RYR3: variants seen among roughly 807,000 people sequenced by gnomAD.
RYR3 encodes brain ryanodine receptor-calcium release channel.
In RYR3, 207 loss-of-function variants were observed where a neutral mutation model predicts 584.3. The observed-to-expected ratio is 0.35, with a 90% CI of 0.32 to 0.40. RYR3 has a LOEUF of 0.40. Ranked by LOEUF, RYR3 falls within the 10% of genes least tolerant of loss-of-function variation. The pLI is 1.00. For missense variants in RYR3, 5,616 were observed against 6,089.2 expected, an observed-to-expected ratio of 0.92 and a Z score of 2.59; for synonymous variants, 2,416 against 2,248.5, an observed-to-expected ratio of 1.07 and a Z score of -2.11.
intron 94 of RYR3, chr15:33,852,536 T>C (rs1056408172): frequency 6.4e-6 from 1 of 155,264 alleles, no homozygotes; most frequent in African/African-American, 2.4e-5. Context: ...GCTTAAAAAA[T>C]CCAATGTAAA....
intron 16 of RYR3, among the ~76,000 whole-genome samples, chr15:33,600,810 C>A (rs189766446): frequency 7.2e-5 from 11 of 152,250 alleles, no homozygotes; most frequent in Non-Finnish European, 1.2e-4. Flanking sequence ...CCCAAGCTTG[C>A]TACGTGCAAG....
intron 43 of RYR3, among the ~76,000 whole-genome samples, chr15:33,708,059 TTC>T (rs1783462893): frequency 6.6e-6 from 1 of 152,192 alleles, no homozygotes; most frequent in Admixed American, 6.5e-5. Context: ...CTCTCTCTGC[TTC>T]TCTCTGCGTA....
At chr15:33,832,734 A>G (rs2077768577) in intron 86 of RYR3, among the ~76,000 whole-genome samples, 1 of 151,318 alleles carries the variant, frequency 6.6e-6, no homozygotes, top group Admixed American at 6.6e-5. Flanking sequence ...GGCCAGGTGC[A>G]GTGGCTCACT....
intron 3 of RYR3, among the ~76,000 whole-genome samples, chr15:33,517,696 C>T (rs1415527668): frequency 6.6e-6 from 1 of 152,130 alleles, no homozygotes; most frequent in Non-Finnish European, 1.5e-5. Flanking sequence ...TACCCCAGGA[C>T]ATGACATTGT....
At chr15:33,722,464 G>C in intron 43 of RYR3, 1 of 509,942 alleles carries the variant, frequency 2.0e-6, no homozygotes, top group South Asian at 2.9e-5. Context: ...CTCCATCAGT[G>C]TCAACTCCTA....
rs370439483 is a variant in RYR3, at chr15:33,662,522, G to A, written c.4992G>A (p.Gly1664=). ...GCCTGAGAACATGTCTCAAGCCCGG[G>A]TTCAGGTTCTCCACCCCTTGCTTTG... is the stretch of plus-strand genomic sequence containing the variant. ...GVGLRTCLKP[G]FRFSTPCFVV... The change falls in exon 35 of 104, where the codon GGG becomes GGA. Residue 1664 remains glycine, a synonymous_variant. Transcript: ENST00000634891. 124 of 1,613,896 alleles carry A rather than the reference G, an allele frequency of 7.7e-5. No individual in the cohort carries two copies. Among genetic ancestry groups the A allele is most frequent in the Admixed American group, 1.3e-4 (8 of 59,996 alleles).
At chr15:33,399,930 C>A (rs1429224019) in intron 1 of RYR3, among the ~76,000 whole-genome samples, 2 of 152,102 alleles carry the variant, frequency 1.3e-5, no homozygotes, top group Non-Finnish European at 2.9e-5. Flanking sequence ...GCACATACCA[C>A]AACAGAGCAC....
chr15:33,592,540 C>G (rs12594426), intron 16 of RYR3, among the ~76,000 whole-genome samples: 1 of 152,110 alleles, frequency 6.6e-6, no homozygotes, highest in Admixed American at 6.5e-5. Context: ...GGGCCACCCA[C>G]TTCCGATTGG....
At chr15:33,477,911 A>G (rs187267871) in intron 2 of RYR3, among the ~76,000 whole-genome samples, 1,528 of 116,656 alleles carry the variant, frequency 0.013, 58 homozygotes, top group Non-Finnish European at 0.019. Context: ...AAAAAAGACT[A>G]GGGGCTATTA....
At chr15:33,575,935 T>A (rs1489551248) in intron 12 of RYR3, among the ~76,000 whole-genome samples, 1 of 152,026 alleles carries the variant, frequency 6.6e-6, no homozygotes, top group Non-Finnish European at 1.5e-5. Flanking sequence ...GATATTAGCA[T>A]TGACCCCACA....
Position 33,785,837 on chromosome 15 carries a change from G to A in RYR3, c.9444G>A (p.Arg3148=). The change falls in exon 66 of 104, where the codon CGG becomes CGA. Residue 3148 remains arginine, a synonymous_variant. Transcript: ENST00000634891. ...LCNYLSYWWE[R]GPENLPPSTG... The stretch of plus-strand genomic sequence containing the variant: ...ACTACTTGTCCTACTGGTGGGAGCG[G>A]GGTCCTGAGAACCTGCCCCCCAGCA... 1 of 1,613,848 alleles carries A rather than the reference G, an allele frequency of 6.2e-7. No individual in the cohort carries two copies. Among genetic ancestry groups the A allele is most frequent in the South Asian group, 1.1e-5 (1 of 91,066 alleles).
rs551287489 is a variant in RYR3 at position 33,746,878 on chromosome 15, G to A, written c.7989+721G>A. On this transcript the variant is annotated intron_variant, in intron 53 of 103. Coordinates refer to ENST00000634891, the MANE Select transcript of RYR3 (RefSeq NM_001036.6). ...GTCTAGAGTGTAGTGGTGTGATCTC[G>A]GCTCACTGCAACCTCCACCTTCCGG... Among the ~76,000 whole-genome samples, 18 of 141,910 alleles carry A rather than the reference G, an allele frequency of 1.3e-4. No homozygotes were observed. In the South Asian group the frequency reaches 1.4e-3, roughly 11 times the overall value. 93.1% of individuals were successfully genotyped at this position (141,910 alleles called of 152,430 possible). A position where few individuals can be genotyped will look rare whatever the true frequency, so the allele number is the denominator to read the frequency against.
intron 27 of RYR3, among the ~76,000 whole-genome samples, chr15:33,640,837 T>A (rs948759152): frequency 7.2e-5 from 11 of 152,220 alleles, no homozygotes; most frequent in African/African-American, 2.4e-4. Context: ...TTATATCTAT[T>A]AGGATGCATG....
At chr15:33,511,813 C>G (rs1019139941) in intron 3 of RYR3, among the ~76,000 whole-genome samples, 3 of 152,226 alleles carry the variant, frequency 2.0e-5, no homozygotes, top group Non-Finnish European at 4.4e-5. Context: ...GAGTCTCGCT[C>G]TGTCGCCCAG....
chr15:33,848,456 T>C (rs557983798), intron 94 of RYR3, 35 bp downstream of exon 94: 5 of 1,591,868 alleles, frequency 3.1e-6, no homozygotes, highest in African/African-American at 2.7e-5. Context: ...AAAAAGGAGA[T>C]GGAGTCTCTA....
intron 3 of RYR3, among the ~76,000 whole-genome samples, chr15:33,514,200 C>T (rs1478178513): frequency 1.3e-5 from 2 of 152,146 alleles, no homozygotes; most frequent in Non-Finnish European, 2.9e-5. Context: ...GCATCAGTTG[C>T]CCCTCCTTTT....
intron 27 of RYR3, among the ~76,000 whole-genome samples, chr15:33,639,894 T>A (rs747713811): frequency 2.1e-4 from 32 of 150,064 alleles, no homozygotes; most frequent in Non-Finnish European, 4.4e-4. Context: ...CTCAGAAGCC[T>A]CCAAGGCAAA....
chr15:33,401,665 A>C (rs1426066166), intron 1 of RYR3, among the ~76,000 whole-genome samples: 1 of 152,234 alleles, frequency 6.6e-6, no homozygotes, highest in East Asian at 1.9e-4. Flanking sequence ...TGTCACCTTT[A>C]AGACGTGGAC....
At chr15:33,379,838 C>T (rs746099275) in intron 1 of RYR3, among the ~76,000 whole-genome samples, 11 of 151,984 alleles carry the variant, frequency 7.2e-5, no homozygotes, top group South Asian at 4.2e-4. Context: ...CCAGGGAAGC[C>T]GAAAGTGCAG....
Sources: gnomAD v4.1 joint callset for allele counts (sites outside exome capture counted in the v4.1 genomes callset) on GRCh38, gnomAD v4.1.1 for gene constraint, MANE v1.5 for transcripts, NCBI Gene and HGNC (gene_info 2026-07-23, HGNC 2026-07-21) for gene names.